Variants in EPHB2 observed in about 807,000 individuals in gnomAD.
EPHB2 encodes ephrin type-B receptor 2.
A neutral mutation model predicts 96.4 loss-of-function variants in EPHB2; 18 were observed. The ratio of observed to expected loss-of-function variants is 0.19; its 90% CI spans 0.13 to 0.28. The LOEUF (loss-of-function observed/expected upper bound fraction) is 0.28. EPHB2 is among the 10% of genes least tolerant of loss of function. EPHB2 has a pLI of 1.00. For missense variants in EPHB2, 989 were observed against 1,355.4 expected (o/e 0.73, Z 4.25); for synonymous variants, 506 against 534.1 (o/e 0.95, Z 0.72).
rs188139888 is a variant in EPHB2 at position 22,775,353 on chromosome 1, C to A, written c.62-6068C>A. 7 of 734,776 alleles carry A rather than the reference C, an allele frequency of 9.5e-6. No homozygotes were observed. In the East Asian group the frequency reaches 1.3e-4, roughly 13 times the overall value. 45.5% of individuals were successfully genotyped at this position (734,776 alleles called of 1,614,324 possible). On this transcript the variant is annotated intron_variant, in intron 1 of 15. Transcript: ENST00000374630. ...ATGGCATTTAGAGGGCCCTGGCCAG[C>A]GCTTGGCATGTATAGGTGCTTAATG... is the stretch of plus-strand genomic sequence containing the variant.
chr1:22,834,579 C>G (rs1198251212), intron 3 of EPHB2, among the ~76,000 whole-genome samples: 1 of 151,854 alleles, frequency 6.6e-6, no homozygotes, highest in East Asian at 1.9e-4. Flanking sequence ...CCATAGGCAA[C>G]ATGTAAACAA....
chr1:22,823,292 C>T (rs1375188370), intron 3 of EPHB2, among the ~76,000 whole-genome samples: 1 of 152,192 alleles, frequency 6.6e-6, no homozygotes, highest in Non-Finnish European at 1.5e-5. Flanking sequence ...ACTTGGGTAT[C>T]ACCTCCTCCA....
chr1:22,731,136 T>C (rs10799761), intron 1 of EPHB2, among the ~76,000 whole-genome samples: 51,414 of 152,136 alleles, frequency 0.34, 10,175 homozygotes, highest in South Asian at 0.61. Context: ...TGGAAACATA[T>C]GTCTCTTTCT....
At chr1:22,871,640 C>T (rs1412392525) in intron 5 of EPHB2, among the ~76,000 whole-genome samples, 3 of 152,186 alleles carry the variant, frequency 2.0e-5, no homozygotes, top group Non-Finnish European at 4.4e-5. Flanking sequence ...TGGCTTAGTT[C>T]CCTATTGCTG....
intron 5 of EPHB2, among the ~76,000 whole-genome samples, chr1:22,871,814 G>A (rs1231676958): frequency 6.6e-6 from 1 of 152,052 alleles, no homozygotes; most frequent in Non-Finnish European, 1.5e-5. Context: ...TCAGGAGTTC[G>A]AGACCAGCCT....
rs548483878 is a variant in EPHB2 at position 22,758,205 on chromosome 1, A to T, written c.62-23216A>T. On this transcript the variant is annotated intron_variant, in intron 1 of 15. Coordinates refer to ENST00000374630, the MANE Select transcript of EPHB2 (RefSeq NM_017449.5). ...AGTGCTGGGATTACAGGCGTGAGCC[A>T]CCGCGCCCGGCCTAAGTTATGCTTT... Among the ~76,000 whole-genome samples, 47 of 151,606 alleles carry T rather than the reference A, an allele frequency of 3.1e-4. No individual in the cohort carries two copies. In the East Asian group the frequency reaches 8.7e-3, roughly 28 times the overall value.
At chr1:22,742,415 A>G (rs1643915503) in intron 1 of EPHB2, among the ~76,000 whole-genome samples, 1 of 152,030 alleles carries the variant, frequency 6.6e-6, no homozygotes, top group Admixed American at 6.6e-5. Flanking sequence ...CAGCTCCTGG[A>G]CCTCACTCAG....
At chr1:22,823,234 G>A (rs1436659497) in intron 3 of EPHB2, among the ~76,000 whole-genome samples, 1 of 152,208 alleles carries the variant, frequency 6.6e-6, no homozygotes, top group Non-Finnish European at 1.5e-5. Context: ...CGTGCAAATG[G>A]CGGTTAGCTG....
intron 1 of EPHB2, among the ~76,000 whole-genome samples, chr1:22,718,279 G>T (rs1473375508): frequency 6.6e-6 from 1 of 151,866 alleles, no homozygotes; most frequent in East Asian, 1.9e-4. Context: ...TCCCTAATCT[G>T]GGAAAGGGGT....
chr1:22,815,143 G>C (rs189254121), intron 3 of EPHB2, among the ~76,000 whole-genome samples: 1 of 152,348 alleles, frequency 6.6e-6, no homozygotes, highest in Admixed American at 6.5e-5. Flanking sequence ...ATTGACGGCA[G>C]AGCCATGTGG....
At chr1:22,851,244 C>T (rs758720274) in intron 3 of EPHB2, among the ~76,000 whole-genome samples, 4 of 152,332 alleles carry the variant, frequency 2.6e-5, no homozygotes, top group South Asian at 2.1e-4. Context: ...GCGATCCTCC[C>T]GCCTTGGCCT....
chr1:22,750,432 C>A (rs969881747), intron 1 of EPHB2, among the ~76,000 whole-genome samples: 9 of 152,178 alleles, frequency 5.9e-5, no homozygotes, highest in Admixed American at 4.6e-4. Flanking sequence ...TGCTTTAGTC[C>A]TGTGTTTACA....
intron 3 of EPHB2, among the ~76,000 whole-genome samples, chr1:22,835,476 ATGTTTG>A (rs1177542696): frequency 6.6e-6 from 1 of 152,246 alleles, no homozygotes; most frequent in Non-Finnish European, 1.5e-5. Context: ...ACATGCACAT[ATGTTTG>A]CATATGGATA....
intron 3 of EPHB2, among the ~76,000 whole-genome samples, chr1:22,791,016 T>C (rs1644683674): frequency 6.6e-6 from 1 of 152,226 alleles, no homozygotes; most frequent in South Asian, 2.1e-4. Flanking sequence ...TCTCACTAGC[T>C]GTGTGACCTT....
chr1:22,803,080 G>A (rs1026426313), intron 3 of EPHB2, among the ~76,000 whole-genome samples: 13 of 152,172 alleles, frequency 8.5e-5, no homozygotes, highest in African/African-American at 2.7e-4. Flanking sequence ...CAGAGACCTG[G>A]AGGACAAGCA....
At chr1:22,850,100 G>T (rs1645603607) in intron 3 of EPHB2, among the ~76,000 whole-genome samples, 2 of 152,320 alleles carry the variant, frequency 1.3e-5, no homozygotes, top group Non-Finnish European at 2.9e-5. Flanking sequence ...GCCCGGAGGG[G>T]CTCCCTCAGG....
In EPHB2 at chr1:22,918,641, A is replaced by C. The variant is rs905646074; in HGVS notation, c.*5071A>C. 2.0e-5 allele frequency: 3 copies of C among 152,364 alleles called. No homozygotes were observed. The highest frequency in any genetic ancestry group is 4.4e-5 in the Non-Finnish European group (3 of 68,036). 9.4% of individuals were successfully genotyped at this position (152,364 alleles called of 1,614,324 possible). On this transcript the variant is annotated 3_prime_UTR_variant, in exon 16 of 16. Coordinates refer to ENST00000374630, the MANE Select transcript of EPHB2 (RefSeq NM_017449.5). This position sits in a 1 kb window ranked among gnomAD's most constrained non-coding sequence, Gnocchi z 4.2. ...GGGTGGCCTTGACCCAGCCTTCTGCAAAATGGCTTCTGCCATCAAACTTAA... is the reference window on the plus strand; with the variant it reads ...GGGTGGCCTTGACCCAGCCTTCTGCCAAATGGCTTCTGCCATCAAACTTAA...
intron 1 of EPHB2, among the ~76,000 whole-genome samples, chr1:22,755,086 C>G (rs1644128626): frequency 1.3e-5 from 2 of 152,120 alleles, no homozygotes; most frequent in African/African-American, 4.8e-5. Context: ...GAGGTGTTAA[C>G]GTCTCAGCAG....
At chr1:22,774,360 G>T (rs1284189058) in intron 1 of EPHB2, among the ~76,000 whole-genome samples, 1 of 152,214 alleles carries the variant, frequency 6.6e-6, no homozygotes, top group Non-Finnish European at 1.5e-5. Flanking sequence ...CACACATCGG[G>T]TGGAGGAGAT....
Sources: gnomAD v4.1 joint callset for allele counts (sites outside exome capture counted in the v4.1 genomes callset) on GRCh38, gnomAD v4.1.1 for gene constraint, Gnocchi (gnomAD v3.1) non-coding constraint, MANE v1.5 for transcripts, NCBI Gene and HGNC (gene_info 2026-07-23, HGNC 2026-07-21) for gene names.